Variants in ST7 observed in about 807,000 individuals in gnomAD.
ST7 encodes suppressor of tumorigenicity 7 protein.
ST7 carries 28 observed loss-of-function variants against 78.7 expected under a neutral mutation model. That is an observed-to-expected ratio of 0.36 (90% CI 0.26 to 0.49). The LOEUF is 0.49. ST7 is among the 20% of genes least tolerant of loss of function. The pLI is 0.99. For missense variants in ST7, 418 were observed against 696.0 expected (o/e 0.60, Z 4.49); for synonymous variants, 247 against 249.6 (o/e 0.99, Z 0.10).
intron 1 of ST7, chr7:116,972,540 C>A: frequency 1.6e-6 from 2 of 1,232,512 alleles, no homozygotes; most frequent in Non-Finnish European, 1.2e-6. Flanking sequence ...CTTCATATTT[C>A]CTATTTGCCT....
intron 1 of ST7, among the ~76,000 whole-genome samples, chr7:116,983,025 A>C (rs766668234): frequency 1.3e-5 from 2 of 152,090 alleles, no homozygotes; most frequent in Non-Finnish European, 2.9e-5. Flanking sequence ...GAGCCTCCCA[A>C]GTAGCTGGGA....
rs149687758 is a variant in ST7, at chr7:117,113,297, T to A, written c.235-6264T>A. Among the ~76,000 whole-genome samples the A allele has an allele frequency of 2.6e-3, 392 of 152,340 alleles. 1 individual carries two copies. The highest frequency in any genetic ancestry group is 8.6e-3 in the African/African-American group (359 of 41,574). ...ATTTCCACCACTCTGCCCTAGCATC[T>A]TTCTGCCTCTCATAAGGTTTGCCTG... On this transcript the variant is annotated intron_variant, in intron 2 of 15. Transcript: ENST00000323984.
At chr7:116,975,324 A>T (rs1013649167) in intron 1 of ST7, among the ~76,000 whole-genome samples, 1 of 152,176 alleles carries the variant, frequency 6.6e-6, no homozygotes, top group African/African-American at 2.4e-5. Context: ...CCCATGACAC[A>T]TGAGGATTAT....
At position 117,032,336 on chromosome 7, in the gene ST7, A is replaced by G. The variant is rs373866421; in HGVS notation, c.152-67426A>G. On this transcript the variant is annotated intron_variant, in intron 1 of 15. Coordinates refer to ENST00000323984, the MANE Select transcript of ST7 (RefSeq NM_001369598.1). ...GGAAATCACTTTATTATATTTATAT[A>G]TATTTTACTCCAGTTCTTGCCAAAT... is the stretch of plus-strand genomic sequence containing the variant. Among the ~76,000 whole-genome samples the G allele has an allele frequency of 1.4e-4, 21 of 152,150 alleles. No homozygotes were observed. The East Asian group carries it at 2.1e-3, about 15-fold the overall frequency.
intron 1 of ST7, among the ~76,000 whole-genome samples, chr7:117,063,127 T>C (rs992971435): frequency 6.6e-6 from 1 of 152,208 alleles, no homozygotes; most frequent in African/African-American, 2.4e-5. Flanking sequence ...AAACTGGAAA[T>C]AGAATCTTGT....
Position 117,190,762 on chromosome 7 carries a change from T to C in ST7, c.1152-72T>C. ...TCACTGTGGTTTTATGGGCCCTAGATGTGTAGATGCTTCCGGGTTGATGCC... is the reference window on the plus strand; with the variant it reads ...TCACTGTGGTTTTATGGGCCCTAGACGTGTAGATGCTTCCGGGTTGATGCC... On this transcript the variant is annotated intron_variant, in intron 11 of 15. Coordinates refer to ENST00000323984, the MANE Select transcript of ST7 (RefSeq NM_001369598.1). The surrounding 1 kb of genome is among the most constrained non-coding windows in gnomAD (Gnocchi z 5.2). The C allele has an allele frequency of 9.0e-6, 11 of 1,226,000 alleles. No homozygotes were observed. Among genetic ancestry groups the C allele is most frequent in the Non-Finnish European group, 1.3e-5 (11 of 833,928 alleles). The allele number at this position is 1,226,000 out of a possible 1,614,324, so 75.9% of individuals were successfully genotyped here.
At chr7:116,989,682 T>A (rs77729084) in intron 1 of ST7, among the ~76,000 whole-genome samples, 11,697 of 151,790 alleles carry the variant, frequency 0.077, 1,113 homozygotes, top group East Asian at 0.39. Flanking sequence ...TCTAAAAAAA[T>A]TTTTTAATTA....
At chr7:117,131,091 T>G (rs1478448719) in intron 5 of ST7, among the ~76,000 whole-genome samples, 1 of 151,844 alleles carries the variant, frequency 6.6e-6, no homozygotes, top group Non-Finnish European at 1.5e-5. Context: ...AGAAAATACT[T>G]TGTTTAGTGT....
intron 10 of ST7, among the ~76,000 whole-genome samples, chr7:117,177,131 A>G (rs1231963185): frequency 1.3e-5 from 2 of 152,250 alleles, no homozygotes; most frequent in Non-Finnish European, 2.9e-5. Flanking sequence ...ATAGCTTTGC[A>G]CTGGATGCTC....
At chr7:117,161,353 G>A (rs1192881188) in intron 9 of ST7, among the ~76,000 whole-genome samples, 1 of 151,894 alleles carries the variant, frequency 6.6e-6, no homozygotes, top group Non-Finnish European at 1.5e-5. Flanking sequence ...TAGTTGCACT[G>A]CTTAGAATTT....
chr7:117,216,086 C>T (rs1320213652), intron 13 of ST7, among the ~76,000 whole-genome samples: 1 of 151,976 alleles, frequency 6.6e-6, no homozygotes, highest in Non-Finnish European at 1.5e-5. Context: ...TATTTTTCCC[C>T]CCAGTATCAA....
intron 1 of ST7, among the ~76,000 whole-genome samples, chr7:117,092,020 C>T (rs1326229523): frequency 6.6e-6 from 1 of 152,088 alleles, no homozygotes; most frequent in Non-Finnish European, 1.5e-5. Flanking sequence ...TTCATTAAGC[C>T]AGTAAGGAGG....
At chr7:117,182,445 A>G (rs1374276005) in intron 10 of ST7, among the ~76,000 whole-genome samples, 1 of 152,242 alleles carries the variant, frequency 6.6e-6, no homozygotes, top group Non-Finnish European at 1.5e-5. Flanking sequence ...GAAACTATTA[A>G]GATTTAATGG....
intron 1 of ST7, among the ~76,000 whole-genome samples, chr7:117,080,643 T>G (rs529511228): frequency 6.6e-6 from 1 of 152,334 alleles, no homozygotes; most frequent in Non-Finnish European, 1.5e-5. Flanking sequence ...TTCACATGTA[T>G]GAACTTATGG....
At position 117,219,985 on chromosome 7, in the gene ST7, C is replaced by T. The variant is rs915697259; in HGVS notation, c.1498+809C>T. On this transcript the variant is annotated intron_variant, in intron 14 of 15. Coordinates refer to ENST00000323984, the MANE Select transcript of ST7 (RefSeq NM_001369598.1). This position sits in a 1 kb window ranked among gnomAD's most constrained non-coding sequence, Gnocchi z 5.1. The stretch of plus-strand genomic sequence containing the variant: ...AGACTTAGGATATATTTTTCTCCCT[C>T]AGATAATAAGCTCCAAATTTTAGCT... Among the ~76,000 whole-genome samples, 5 of 152,200 alleles carry T rather than the reference C, an allele frequency of 3.3e-5. No homozygotes were observed. Among genetic ancestry groups the T allele is most frequent in the Admixed American group, 6.5e-5 (1 of 15,286 alleles).
chr7:117,162,431 T>A (rs1807232262), intron 9 of ST7, among the ~76,000 whole-genome samples: 1 of 151,652 alleles, frequency 6.6e-6, no homozygotes. Flanking sequence ...GTCATATAAG[T>A]ATACCCCATT....
intron 1 of ST7, among the ~76,000 whole-genome samples, chr7:117,044,423 T>C (rs1162862167): frequency 1.3e-5 from 2 of 152,194 alleles, no homozygotes; most frequent in Non-Finnish European, 2.9e-5. Flanking sequence ...CTCAGCTCAC[T>C]GCAACCTCTG....
At chr7:117,071,769 C>T (rs1315544220) in intron 1 of ST7, among the ~76,000 whole-genome samples, 2 of 152,158 alleles carry the variant, frequency 1.3e-5, no homozygotes, top group African/African-American at 4.8e-5. Context: ...GCTTGTTCTC[C>T]AGATGTCATT....
intron 1 of ST7, among the ~76,000 whole-genome samples, chr7:116,976,266 A>G (rs1793701142): frequency 6.6e-6 from 1 of 152,118 alleles, no homozygotes; most frequent in African/African-American, 2.4e-5. Flanking sequence ...TCTCTCAAAC[A>G]ACAACAATAA....
Sources: allele counts gnomAD v4.1 joint callset (sites outside exome capture counted in the v4.1 genomes callset), GRCh38; gene constraint gnomAD v4.1.1; non-coding constraint Gnocchi (gnomAD v3.1); transcripts MANE v1.5; gene names NCBI Gene and HGNC (gene_info 2026-07-23, HGNC 2026-07-21).